ARL15: variants seen among roughly 807,000 people sequenced by gnomAD.
ARL15 encodes the protein ADP-ribosylation factor-like protein 15.
Under a neutral mutation model 25.2 loss-of-function variants are expected in ARL15, and 19 were observed. The observed-to-expected ratio is 0.75, with a 90% CI of 0.53 to 1.10. ARL15 has a LOEUF of 1.10. Ranked by LOEUF, ARL15 falls within the 50% of genes least tolerant of loss-of-function variation. ARL15 has a pLI of 0.00. For synonymous variants in ARL15, 94 were observed against 86.8 expected (o/e 1.08, Z -0.46); for missense variants, 220 against 246.0 (o/e 0.89, Z 0.71).
At chr5:53,888,039 A>C (rs890551193) in intron 4 of ARL15, among the ~76,000 whole-genome samples, 5 of 152,098 alleles carry the variant, frequency 3.3e-5, no homozygotes, top group Non-Finnish European at 7.4e-5. Flanking sequence ...AGTATGTCCA[A>C]AAAGTCTCCT....
intron 4 of ARL15, among the ~76,000 whole-genome samples, chr5:53,999,958 A>G (rs570565907): frequency 1.3e-5 from 2 of 152,276 alleles, no homozygotes; most frequent in South Asian, 2.1e-4. Flanking sequence ...GGAAGCAGAG[A>G]AGGGTGGGGT....
chr5:53,893,213 G>A (rs1250329926), intron 4 of ARL15, among the ~76,000 whole-genome samples: 1 of 152,064 alleles, frequency 6.6e-6, no homozygotes, highest in African/African-American at 2.4e-5. Flanking sequence ...CCAGGTACAC[G>A]GATGTCAAAT....
At chr5:54,146,439 A>C (rs1001450380) in intron 3 of ARL15, among the ~76,000 whole-genome samples, 2 of 152,236 alleles carry the variant, frequency 1.3e-5, no homozygotes, top group African/African-American at 4.8e-5. Flanking sequence ...AGCCTTGGAA[A>C]AGTTAAGTGC....
At chr5:53,975,787 T>C (rs950279494) in intron 4 of ARL15, among the ~76,000 whole-genome samples, 20 of 152,194 alleles carry the variant, frequency 1.3e-4, no homozygotes, top group Non-Finnish European at 2.4e-4. Flanking sequence ...GAGTAGAACA[T>C]GTTGACCTGA....
At chr5:54,078,786 T>A (rs1444565241) in intron 4 of ARL15, among the ~76,000 whole-genome samples, 1 of 152,176 alleles carries the variant, frequency 6.6e-6, no homozygotes, top group Non-Finnish European at 1.5e-5. Context: ...TAATCACATA[T>A]AAGCTAACTC....
intron 4 of ARL15, among the ~76,000 whole-genome samples, chr5:53,992,160 G>T (rs1353133837): frequency 6.6e-6 from 1 of 152,158 alleles, no homozygotes; most frequent in Non-Finnish European, 1.5e-5. Context: ...TAATGTTGAA[G>T]CTGTGAACTA....
chr5:54,095,176 ATGT>A (rs1752247567), intron 4 of ARL15, among the ~76,000 whole-genome samples: 1 of 152,118 alleles, frequency 6.6e-6, no homozygotes, highest in African/African-American at 2.4e-5. Context: ...CCTCCATCAT[ATGT>A]TACCTGGGTC....
chr5:54,087,965 T>C (rs1277802851), intron 4 of ARL15, among the ~76,000 whole-genome samples: 1 of 152,224 alleles, frequency 6.6e-6, no homozygotes, highest in Non-Finnish European at 1.5e-5. Flanking sequence ...CGTGAGCCAC[T>C]GTGCCCAGTC....
Position 54,181,643 on chromosome 5 carries a change from G to T in ARL15, c.49-9715C>A, listed in dbSNP as rs149580810. Among the ~76,000 whole-genome samples the T allele has an allele frequency of 1.2e-4, 18 of 152,276 alleles. No homozygotes were observed. The South Asian group carries it at 1.5e-3, about 12-fold the overall frequency. Reference sequence around the variant, plus strand: ...GTCAGGACATGAAAACATTTAAAAGGAGCTAGGTGGTCGGGCACAGTCGCT... The same window carrying T: ...GTCAGGACATGAAAACATTTAAAAGTAGCTAGGTGGTCGGGCACAGTCGCT... On this transcript the variant is annotated intron_variant, in intron 1 of 4. Coordinates refer to ENST00000504924, the MANE Select transcript of ARL15 (RefSeq NM_019087.3).
chr5:54,145,435 T>C (rs558804869), intron 3 of ARL15, among the ~76,000 whole-genome samples: 1 of 152,348 alleles, frequency 6.6e-6, no homozygotes, highest in African/African-American at 2.4e-5. Flanking sequence ...TGTCAGAGAA[T>C]CAATCTAGTC....
At chr5:54,015,835 T>C (rs1406404582) in intron 4 of ARL15, among the ~76,000 whole-genome samples, 3 of 152,164 alleles carry the variant, frequency 2.0e-5, no homozygotes, top group Non-Finnish European at 4.4e-5. Flanking sequence ...TCTGAAAACC[T>C]ATACTTTTAT....
At chr5:54,143,934 C>A (rs1753837215) in intron 3 of ARL15, among the ~76,000 whole-genome samples, 1 of 151,746 alleles carries the variant, frequency 6.6e-6, no homozygotes, top group Admixed American at 6.6e-5. Context: ...ACATAAACTT[C>A]AATTTTTTTC....
In ARL15 at chr5:54,041,946, G is replaced by A. The variant is rs547228281; in HGVS notation, c.462+71256C>T. Among the ~76,000 whole-genome samples the A allele has an allele frequency of 5.3e-5, 8 of 151,276 alleles. No homozygotes were observed. In the South Asian group the frequency reaches 1.5e-3, roughly 28 times the overall value. On this transcript the variant is annotated intron_variant, in intron 4 of 4. Transcript: ENST00000504924. ...TCTAGTTGGGAATGAAAGAGAAGAG[G>A]TTTTTTTGTTCGCTTGTTTTCGTTT...
chr5:54,180,644 G>A (rs1285790095), intron 1 of ARL15, among the ~76,000 whole-genome samples: 1 of 152,212 alleles, frequency 6.6e-6, no homozygotes, highest in Non-Finnish European at 1.5e-5. Flanking sequence ...TGAAGGCTTT[G>A]GACTGGAATT....
chr5:54,096,769 C>T (rs978025971), intron 4 of ARL15, among the ~76,000 whole-genome samples: 6 of 152,128 alleles, frequency 3.9e-5, no homozygotes. Flanking sequence ...AGGTATTTCT[C>T]ATCTTTGAAA....
intron 1 of ARL15, among the ~76,000 whole-genome samples, chr5:54,228,194 AGGCAAAGGG>A (rs1376735981): frequency 6.6e-6 from 1 of 152,192 alleles, no homozygotes; most frequent in African/African-American, 2.4e-5. Context: ...CTAAAAATAG[AGGCAAAGGG>A]GACAAAAATT....
At chr5:54,131,460 T>C (rs1753432684) in intron 3 of ARL15, among the ~76,000 whole-genome samples, 1 of 152,202 alleles carries the variant, frequency 6.6e-6, no homozygotes, top group African/African-American at 2.4e-5. Flanking sequence ...AAGCCTGCAT[T>C]AAATGCCATC....
chr5:53,905,785 C>A (rs908609447), intron 4 of ARL15, among the ~76,000 whole-genome samples: 1 of 152,124 alleles, frequency 6.6e-6, no homozygotes, highest in Non-Finnish European at 1.5e-5. Flanking sequence ...ATAGCTTGTA[C>A]CAATGATCTA....
In ARL15 at chr5:53,886,047, C is replaced by G. The variant is rs1487813619; in HGVS notation, c.*514G>C. ...TGAAGTTTTTGGTGCTCACTTTTCTCTCATAGTCTATAAGCTCAGTATACC... is the reference window on the plus strand; with the variant it reads ...TGAAGTTTTTGGTGCTCACTTTTCTGTCATAGTCTATAAGCTCAGTATACC... On this transcript the variant is annotated 3_prime_UTR_variant, in exon 5 of 5. Coordinates refer to ENST00000504924, the MANE Select transcript of ARL15 (RefSeq NM_019087.3). The G allele has an allele frequency of 1.3e-5, 2 of 150,114 alleles. No homozygotes were observed. Among genetic ancestry groups the G allele is most frequent in the Non-Finnish European group, 3.0e-5 (2 of 67,776 alleles). The allele number at this position is 150,114 out of a possible 1,614,324, so 9.3% of individuals were successfully genotyped here.
Sources: gnomAD v4.1 joint callset for allele counts (sites outside exome capture counted in the v4.1 genomes callset) on GRCh38, gnomAD v4.1.1 for gene constraint, MANE v1.5 for transcripts, NCBI Gene and HGNC (gene_info 2026-07-23, HGNC 2026-07-21) for gene names.